The following PPP2R5E variants were observed in gnomAD, a reference collection of about 807,000 sequenced individuals.
The protein encoded by PPP2R5E is protein phosphatase 2 regulatory subunit B'epsilon, also known as serine/threonine-protein phosphatase 2A 56 kDa regulatory subunit epsilon isoform.
In PPP2R5E, 4 loss-of-function variants were observed where a neutral mutation model predicts 65.3. That is an observed-to-expected ratio of 0.06 (90% CI 0.03 to 0.14). The LOEUF is 0.14. Among genes scored for constraint, PPP2R5E ranks in the 10% least tolerant of loss-of-function variants. The pLI, the probability that PPP2R5E is intolerant of heterozygous loss-of-function variation, is 1.00. For synonymous variants in PPP2R5E, 183 were observed against 187.4 expected (o/e 0.98, Z 0.19); for missense variants, 274 against 556.1 (o/e 0.49, Z 5.10).
chr14:63,385,361 A>G (rs1414463922), intron 11 of PPP2R5E, among the ~76,000 whole-genome samples: 4 of 152,136 alleles, frequency 2.6e-5, no homozygotes, highest in African/African-American at 9.7e-5. Context: ...GAGTGGTTCA[A>G]GTGGTTCATC....
chr14:63,440,214 A>G (rs910067950), intron 3 of PPP2R5E, among the ~76,000 whole-genome samples: 1 of 152,106 alleles, frequency 6.6e-6, no homozygotes, highest in Non-Finnish European at 1.5e-5. Context: ...GGTGTTCTGA[A>G]ATACACGGCC....
chr14:63,436,683 G>A (rs1418369405), intron 3 of PPP2R5E, among the ~76,000 whole-genome samples: 1 of 152,232 alleles, frequency 6.6e-6, no homozygotes, highest in Admixed American at 6.5e-5. Flanking sequence ...AGACAGGACA[G>A]CCAGCCCTCC....
rs1003443591 is a variant in PPP2R5E at position 63,374,336 on chromosome 14, T to C, written c.*1673A>G. ...AGCCCATATTTATATTGTATTTCTA[T>C]TAAGAGCAACAATAGTTCATATGTT... On this transcript the variant is annotated 3_prime_UTR_variant, in exon 14 of 14. Coordinates refer to ENST00000337537, the MANE Select transcript of PPP2R5E (RefSeq NM_006246.5). 4 of 151,864 alleles carry C rather than the reference T, an allele frequency of 2.6e-5. No homozygotes were observed. Among genetic ancestry groups the C allele is most frequent in the African/African-American group, 9.7e-5 (4 of 41,370 alleles). 9.4% of individuals were successfully genotyped at this position (151,864 alleles called of 1,614,324 possible). A position where few individuals can be genotyped will look rare whatever the true frequency, so the allele number is the denominator to read the frequency against.
chr14:63,405,289 T>C (rs1885999183), intron 5 of PPP2R5E, among the ~76,000 whole-genome samples: 1 of 151,972 alleles, frequency 6.6e-6, no homozygotes, highest in Non-Finnish European at 1.5e-5. Context: ...AGGAACTCGT[T>C]TGGAAAATAG....
At chr14:63,457,713 G>A (rs1023209613) in intron 2 of PPP2R5E, among the ~76,000 whole-genome samples, 8 of 152,104 alleles carry the variant, frequency 5.3e-5, no homozygotes, top group African/African-American at 1.9e-4. Flanking sequence ...ATCAATAAGC[G>A]GTTATGTAAT....
At chr14:63,484,072 G>A (rs1191838263) in intron 2 of PPP2R5E, among the ~76,000 whole-genome samples, 2 of 135,284 alleles carry the variant, frequency 1.5e-5, no homozygotes, top group Non-Finnish European at 3.0e-5. Context: ...GACAGAGTGA[G>A]ACTCCACCAA....
intron 13 of PPP2R5E, among the ~76,000 whole-genome samples, chr14:63,381,291 A>G (rs1377975207): frequency 6.6e-6 from 1 of 152,194 alleles, no homozygotes; most frequent in Non-Finnish European, 1.5e-5. Context: ...AAATTGTAAT[A>G]AATTTGTTGG....
intron 2 of PPP2R5E, among the ~76,000 whole-genome samples, chr14:63,537,596 A>G (rs1221848088): frequency 2.0e-5 from 3 of 152,206 alleles, no homozygotes; most frequent in African/African-American, 7.2e-5. Context: ...TTTTTTAAAA[A>G]AAGTATTCAT....
rs754518997 is a variant in PPP2R5E, at chr14:63,376,152, G to A, written c.1305-44C>T. The A allele has an allele frequency of 2.1e-5, 28 of 1,320,978 alleles. No individual in the cohort carries two copies. The Middle Eastern group carries it at 5.4e-4, about 26-fold the overall frequency. 81.8% of individuals were successfully genotyped at this position (1,320,978 alleles called of 1,614,324 possible). A position where few individuals can be genotyped will look rare whatever the true frequency, so the allele number is the denominator to read the frequency against. On this transcript the variant is annotated intron_variant, in intron 13 of 13. Transcript: ENST00000337537. ...ACAATGTAAACAGCTGAGGTTTAAT[G>A]AGATTATGCAACAATGAATATTTTA...
At chr14:63,405,993 C>T (rs1886058553) in intron 5 of PPP2R5E, among the ~76,000 whole-genome samples, 1 of 152,174 alleles carries the variant, frequency 6.6e-6, no homozygotes, top group Non-Finnish European at 1.5e-5. Flanking sequence ...AAAAATGCTA[C>T]AGGTTATGTA....
intron 2 of PPP2R5E, among the ~76,000 whole-genome samples, chr14:63,488,137 G>A (rs891426274): frequency 1.3e-5 from 2 of 151,642 alleles, no homozygotes; most frequent in Admixed American, 6.6e-5. Context: ...TCTTCCAAAC[G>A]CTTTCCTGCT....
chr14:63,421,118 C>T (rs1327899482), intron 4 of PPP2R5E, among the ~76,000 whole-genome samples: 1 of 126,168 alleles, frequency 7.9e-6, no homozygotes, highest in East Asian at 2.5e-4. Context: ...TACATTTCTA[C>T]GAAAATGCAG....
intron 10 of PPP2R5E, among the ~76,000 whole-genome samples, chr14:63,390,527 T>A (rs1053972279): frequency 1.3e-5 from 2 of 152,002 alleles, no homozygotes; most frequent in South Asian, 4.1e-4. Context: ...TTTGAAAAAA[T>A]AAAGTGAGCA....
At chr14:63,385,551 G>A (rs2139758974) in intron 11 of PPP2R5E, among the ~76,000 whole-genome samples, 2 of 152,202 alleles carry the variant, frequency 1.3e-5, no homozygotes, top group South Asian at 4.2e-4. Context: ...TTAGCATTCA[G>A]TCACAGCTAC....
chr14:63,388,696 G>T (rs895988372), intron 11 of PPP2R5E, among the ~76,000 whole-genome samples: 1 of 152,132 alleles, frequency 6.6e-6, no homozygotes, highest in Non-Finnish European at 1.5e-5. Context: ...ATATTAACAT[G>T]TCTTTTGGTC....
rs1427758289 is a variant in PPP2R5E at position 63,374,416 on chromosome 14, G to C, written c.*1593C>G. The C allele has an allele frequency of 6.6e-6, 1 of 151,758 alleles. No individual in the cohort carries two copies. Among genetic ancestry groups the C allele is most frequent in the African/African-American group, 2.4e-5 (1 of 41,284 alleles). 9.4% of individuals were successfully genotyped at this position (151,758 alleles called of 1,614,324 possible). A position where few individuals can be genotyped will look rare whatever the true frequency, so the allele number is the denominator to read the frequency against. On this transcript the variant is annotated 3_prime_UTR_variant, in exon 14 of 14. Coordinates refer to ENST00000337537, the MANE Select transcript of PPP2R5E (RefSeq NM_006246.5). ...TGAACACAGATCAGCTCTATACCAT[G>C]AATACTGCTGGAAGTGATGGTTTAG...
intron 5 of PPP2R5E, among the ~76,000 whole-genome samples, chr14:63,404,714 G>A (rs1035135305): frequency 6.6e-6 from 1 of 152,148 alleles, no homozygotes; most frequent in Admixed American, 6.6e-5. Flanking sequence ...ACTCCACCAA[G>A]TCACACGCTT....
chr14:63,496,134 G>A (rs1891554662), intron 2 of PPP2R5E, among the ~76,000 whole-genome samples: 1 of 152,088 alleles, frequency 6.6e-6, no homozygotes, highest in South Asian at 2.1e-4. Context: ...GGATTATTCT[G>A]CATCATACAC....
At chr14:63,380,673 A>AC in intron 13 of PPP2R5E, among the ~76,000 whole-genome samples, 1 of 152,106 alleles carries the variant, frequency 6.6e-6, no homozygotes, top group East Asian at 1.9e-4. Context: ...AAAAACAAAA[A>AC]AAAAAAAGTT....
Sources: allele counts gnomAD v4.1 joint callset (sites outside exome capture counted in the v4.1 genomes callset), GRCh38; gene constraint gnomAD v4.1.1; transcripts MANE v1.5; gene names NCBI Gene and HGNC (gene_info 2026-07-23, HGNC 2026-07-21).